The following SUCLG1 variants were observed in gnomAD, a reference collection of about 807,000 sequenced individuals.
SUCLG1 encodes succinate-CoA ligase GDP/ADP-forming subunit alpha.
SUCLG1 carries 26 observed loss-of-function variants against 37.3 expected under a neutral mutation model. That is an observed-to-expected ratio of 0.70 (90% CI 0.51 to 0.97). The LOEUF is 0.97. Ranked by LOEUF, SUCLG1 falls within the 50% of genes least tolerant of loss-of-function variation. The pLI, the probability that SUCLG1 is intolerant of heterozygous loss-of-function variation, is 0.00. For missense variants in SUCLG1, 433 were observed against 432.9 expected (o/e 1.00, Z 0.00); for synonymous variants, 163 against 155.6 (o/e 1.05, Z -0.36).
intron 2 of SUCLG1, among the ~76,000 whole-genome samples, chr2:84,447,660 C>T (rs1672870234): frequency 1.3e-5 from 2 of 152,120 alleles, no homozygotes; most frequent in South Asian, 4.1e-4. Context: ...CACTTCAAAT[C>T]TTGGATGAAG....
chr2:84,435,718 A>C (rs28525491), intron 5 of SUCLG1, among the ~76,000 whole-genome samples: 3,944 of 152,294 alleles, frequency 0.026, 151 homozygotes, highest in African/African-American at 0.091. Context: ...ACTGCTTAAA[A>C]CATGGTTGCA....
At chr2:84,455,974 T>C (rs373149901) in intron 1 of SUCLG1, among the ~76,000 whole-genome samples, 57 of 152,118 alleles carry the variant, frequency 3.7e-4, no homozygotes, top group African/African-American at 1.3e-3. Context: ...TGTCAGAAAA[T>C]CAAATCACTT....
At chr2:84,424,611 T>C (rs1672504763) in intron 8 of SUCLG1, among the ~76,000 whole-genome samples, 1 of 152,188 alleles carries the variant, frequency 6.6e-6, no homozygotes, top group Non-Finnish European at 1.5e-5. Flanking sequence ...TGAATGCTGT[T>C]CCCTTCTAGG....
chr2:84,455,435 G>A (rs562096673), intron 1 of SUCLG1, among the ~76,000 whole-genome samples: 29 of 151,546 alleles, frequency 1.9e-4, no homozygotes, highest in Middle Eastern at 3.4e-3. Context: ...CAGAGGATGC[G>A]GTGAGCTGAG....
At chr2:84,429,331 TAACACAGCACAATG>T in intron 7 of SUCLG1, among the ~76,000 whole-genome samples, 1 of 152,326 alleles carries the variant, frequency 6.6e-6, no homozygotes, top group South Asian at 2.1e-4. Flanking sequence ...AAATTCAACT[TAACACAGCACAATG>T]CTGTATTAAC....
chr2:84,456,817 C>T (rs1314566986), intron 1 of SUCLG1, among the ~76,000 whole-genome samples: 3 of 152,136 alleles, frequency 2.0e-5, no homozygotes, highest in African/African-American at 7.2e-5. Context: ...GCGCCTGCCA[C>T]CACACCTGGC....
intron 7 of SUCLG1, 190 bp from the exon 8 acceptor site, chr2:84,425,793 A>G (rs377169380): frequency 7.7e-6 from 5 of 645,838 alleles, no homozygotes; most frequent in African/African-American, 3.6e-5. Flanking sequence ...TTAACTTTCC[A>G]TACAAACTCA....
chr2:84,445,444 G>A (rs1249666317), intron 2 of SUCLG1, among the ~76,000 whole-genome samples: 14 of 151,944 alleles, frequency 9.2e-5, no homozygotes, highest in Non-Finnish European at 1.5e-5. Context: ...ACATATCTAA[G>A]CCTTGAACTC....
rs1245679918 is a variant in SUCLG1 at position 84,459,232 on chromosome 2, G to A, written c.38C>T (p.Thr13Ile). Reference sequence around the variant, plus strand: ...GAGGCCGCTGCTGCCGGAGACCATGGTAGCGATGTCAGCGGCAGCGGCAAG... The same window carrying A: ...GAGGCCGCTGCTGCCGGAGACCATGATAGCGATGTCAGCGGCAGCGGCAAG... ...ATLAAAADIA[T>I]MVSGSSGLAA... Residue 13 changes from threonine (T) to isoleucine (I), a missense_variant, in exon 1 of 9, where the codon ACC becomes ATC. Transcript: ENST00000393868. The A allele has an allele frequency of 3.8e-5, 59 of 1,550,514 alleles. No individual in the cohort carries two copies. The highest frequency in any genetic ancestry group is 4.7e-5 in the Non-Finnish European group (54 of 1,146,868).
intron 6 of SUCLG1, 82 bp downstream of exon 6, chr2:84,433,267 AAAT>A: frequency 8.5e-7 from 1 of 1,178,314 alleles, no homozygotes; most frequent in Middle Eastern, 1.9e-4. Flanking sequence ...AATCTTTTGC[AAAT>A]AATAAAATCA....
At chr2:84,431,414 C>CA in intron 7 of SUCLG1, 94 bp downstream of exon 7, 1 of 1,545,912 alleles carries the variant, frequency 6.5e-7, no homozygotes, top group Non-Finnish European at 8.9e-7. Context: ...CATGTTTTCT[C>CA]AAAAAATTCA....
chr2:84,437,557 T>G (rs1346347347), intron 5 of SUCLG1, among the ~76,000 whole-genome samples: 1 of 152,202 alleles, frequency 6.6e-6, no homozygotes, highest in African/African-American at 2.4e-5. Flanking sequence ...CTGGCAAGGC[T>G]GTAGAGAAAC....
At chr2:84,437,648 C>A (rs1008466607) in intron 5 of SUCLG1, among the ~76,000 whole-genome samples, 5 of 152,192 alleles carry the variant, frequency 3.3e-5, no homozygotes, top group African/African-American at 1.2e-4. Flanking sequence ...AACTGGATAG[C>A]AATTCAGCAG....
intron 5 of SUCLG1, 137 bp downstream of exon 5, chr2:84,440,910 C>T (rs1340541685): frequency 1.2e-6 from 1 of 815,436 alleles, no homozygotes; most frequent in Non-Finnish European, 2.1e-6. Context: ...AATTGATAGA[C>T]TACAAAACTT....
intron 1 of SUCLG1, among the ~76,000 whole-genome samples, chr2:84,456,288 G>A (rs1673018945): frequency 6.6e-6 from 1 of 152,138 alleles, no homozygotes; most frequent in Non-Finnish European, 1.5e-5. Context: ...GGTACATGCT[G>A]GCGGAAAGGA....
chr2:84,443,373 C>T lies in SUCLG1; in HGVS notation c.229G>A (p.Glu77Lys). Residue 77 changes from glutamate to lysine, a missense_variant, in exon 3 of 9, where the codon GAA becomes AAA. Glu to Lys is a moderately conservative substitution (Grantham distance 56). Coordinates refer to ENST00000393868, the MANE Select transcript of SUCLG1 (RefSeq NM_003849.4). ...CCTCCAACGAGTTTGGTGCCATATT[C>T]CAATGCCTGCTGGCTGTGAAAGGTG... ...QGTFHSQQALEYGTKLVGGTT... is the reference protein window; with the variant it reads ...QGTFHSQQALKYGTKLVGGTT... 1 of 1,614,120 alleles carries T rather than the reference C, an allele frequency of 6.2e-7. No homozygotes were observed. Among genetic ancestry groups the T allele is most frequent in the Non-Finnish European group, 8.5e-7 (1 of 1,179,992 alleles).
chr2:84,456,985 T>C (rs1445720493), intron 1 of SUCLG1, among the ~76,000 whole-genome samples: 1 of 152,178 alleles, frequency 6.6e-6, no homozygotes, highest in Non-Finnish European at 1.5e-5. Flanking sequence ...TCATAAGCTA[T>C]AAAACAGGGC....
chr2:84,429,355 C>A (rs865990631), intron 7 of SUCLG1, among the ~76,000 whole-genome samples: 2 of 152,054 alleles, frequency 1.3e-5, no homozygotes, highest in African/African-American at 4.8e-5. Context: ...GCTGTATTAA[C>A]CGAAACTTTT....
chr2:84,453,956 C>T (rs959101447), intron 1 of SUCLG1, among the ~76,000 whole-genome samples: 1 of 152,168 alleles, frequency 6.6e-6, no homozygotes, highest in African/African-American at 2.4e-5. Flanking sequence ...GCCATGTAAC[C>T]CAGAGCATAC....
Sources: gnomAD v4.1 joint callset for allele counts (sites outside exome capture counted in the v4.1 genomes callset) on GRCh38, gnomAD v4.1.1 for gene constraint, MANE v1.5 for transcripts, NCBI Gene and HGNC (gene_info 2026-07-23, HGNC 2026-07-21) for gene names.